The following RPRD1B variants were observed in gnomAD, a reference collection of about 807,000 sequenced individuals.
RPRD1B encodes the protein regulation of nuclear pre-mRNA domain-containing protein 1B.
RPRD1B carries 11 observed loss-of-function variants against 41.5 expected under a neutral mutation model. The observed-to-expected ratio is 0.27, with a 90% confidence interval of 0.17 to 0.44. RPRD1B has a LOEUF of 0.44. Ranked by LOEUF, RPRD1B falls within the 20% of genes least tolerant of loss-of-function variation. The pLI is 1.00. For missense variants in RPRD1B, 248 were observed against 389.9 expected (o/e 0.64, Z 3.06); for synonymous variants, 158 against 155.6 (o/e 1.02, Z -0.12).
At chr20:38,063,553 A>C (rs1426941437) in intron 5 of RPRD1B, among the ~76,000 whole-genome samples, 1 of 152,188 alleles carries the variant, frequency 6.6e-6, no homozygotes, top group African/African-American at 2.4e-5. Context: ...GTTTAGCTGC[A>C]AGGGGGAGCA....
chr20:38,038,161 T>G (rs556706954), intron 1 of RPRD1B, among the ~76,000 whole-genome samples: 11 of 152,378 alleles, frequency 7.2e-5, no homozygotes, highest in African/African-American at 2.6e-4. Context: ...GTTGGCCATC[T>G]AAACTAGGTT....
In RPRD1B at chr20:38,091,473, G is replaced by C. The variant is rs990561040; in HGVS notation, c.*1598G>C. 4.1e-6 allele frequency: 4 copies of C among 985,310 alleles called. No individual in the cohort carries two copies. Among genetic ancestry groups the C allele is most frequent in the Non-Finnish European group, 4.8e-6 (4 of 829,944 alleles). 61.0% of individuals were successfully genotyped at this position (985,310 alleles called of 1,614,324 possible). The stretch of plus-strand genomic sequence containing the variant: ...AGTGTTTGAGCTGTTATTCAGATTT[G>C]AATTCAGACTGTGTGTTGTTTGCTT... On this transcript the variant is annotated 3_prime_UTR_variant, in exon 7 of 7. Coordinates refer to ENST00000373433, the MANE Select transcript of RPRD1B (RefSeq NM_021215.4).
chr20:38,066,341 A>G, intron 6 of RPRD1B, 85 bp downstream of exon 6: 1 of 1,241,112 alleles, frequency 8.1e-7, no homozygotes, highest in South Asian at 1.4e-5. Context: ...GCTTTAATTA[A>G]CAACATTTTT....
intron 3 of RPRD1B, among the ~76,000 whole-genome samples, chr20:38,051,350 T>G (rs563399751): frequency 6.4e-4 from 98 of 152,360 alleles, no homozygotes; most frequent in African/African-American, 2.3e-3. Flanking sequence ...ATGTGACTCA[T>G]GTAGTATACG....
chr20:38,063,130 T>A (rs1464320868), intron 5 of RPRD1B, among the ~76,000 whole-genome samples: 1 of 152,164 alleles, frequency 6.6e-6, no homozygotes, highest in Non-Finnish European at 1.5e-5. Flanking sequence ...TGCTGTCCCC[T>A]CTGCCTGAAA....
Position 38,090,902 on chromosome 20 carries a change from C to G in RPRD1B, c.*1027C>G. 1.0e-6 allele frequency: 1 copy of G among 984,794 alleles called. No homozygotes were observed. Among genetic ancestry groups the G allele is most frequent in the Non-Finnish European group, 1.2e-6 (1 of 829,772 alleles). 61.0% of individuals were successfully genotyped at this position (984,794 alleles called of 1,614,324 possible). A position where few individuals can be genotyped will look rare whatever the true frequency, so the allele number is the denominator to read the frequency against. Reference sequence around the variant, plus strand: ...CTGAGCAGGTCCGTCTGTCATGTCACGCCACTGCACAGGTCCTTGTCCCCA... The same window carrying G: ...CTGAGCAGGTCCGTCTGTCATGTCAGGCCACTGCACAGGTCCTTGTCCCCA... On this transcript the variant is annotated 3_prime_UTR_variant, in exon 7 of 7. Coordinates refer to ENST00000373433, the MANE Select transcript of RPRD1B (RefSeq NM_021215.4).
intron 3 of RPRD1B, among the ~76,000 whole-genome samples, chr20:38,053,630 T>G (rs2074211100): frequency 6.6e-6 from 1 of 152,202 alleles, no homozygotes; most frequent in Admixed American, 6.5e-5. Flanking sequence ...TAGAAGCCCC[T>G]TAAGGTTTAT....
At chr20:38,089,258 A>G (rs1018065362) in intron 6 of RPRD1B, among the ~76,000 whole-genome samples, 2 of 152,156 alleles carry the variant, frequency 1.3e-5, no homozygotes, top group African/African-American at 4.8e-5. Flanking sequence ...TTGAGCTTCT[A>G]TAGTGCTTGT....
intron 6 of RPRD1B, among the ~76,000 whole-genome samples, 159 bp downstream of exon 6, chr20:38,066,415 A>C (rs1242856394): frequency 6.6e-6 from 1 of 152,224 alleles, no homozygotes. Context: ...ATTTGAGCCC[A>C]GTTAAAAATT....
chr20:38,048,286 C>T, intron 2 of RPRD1B, 62 bp from the exon 3 acceptor site: 2 of 1,472,494 alleles, frequency 1.4e-6, no homozygotes, highest in Non-Finnish European at 1.8e-6. Context: ...TTAAGTAGGT[C>T]TGTCCTAATT....
rs2074608008 is a variant in RPRD1B at position 38,091,057 on chromosome 20, G to T, written c.*1182G>T. 3.0e-6 allele frequency: 3 copies of T among 985,624 alleles called. No individual in the cohort carries two copies. In the African/African-American group the frequency reaches 5.2e-5, roughly 17 times the overall value. 61.1% of individuals were successfully genotyped at this position (985,624 alleles called of 1,614,324 possible). A position where few individuals can be genotyped will look rare whatever the true frequency, so the allele number is the denominator to read the frequency against. On this transcript the variant is annotated 3_prime_UTR_variant, in exon 7 of 7. Transcript: ENST00000373433. ...TCAGCTGACATTATGACTATATAAT[G>T]TAGTTAGAGACAATTTTTATCTTGC...
chr20:38,040,868 T>C (rs2074059154), intron 2 of RPRD1B, among the ~76,000 whole-genome samples: 1 of 152,236 alleles, frequency 6.6e-6, no homozygotes, highest in Admixed American at 6.5e-5. Flanking sequence ...TCTCATCAGC[T>C]TATGATCAAA....
rs1339612275 is a variant in RPRD1B, at chr20:38,091,156, C to T, written c.*1281C>T. On this transcript the variant is annotated 3_prime_UTR_variant, in exon 7 of 7. Transcript: ENST00000373433. The stretch of plus-strand genomic sequence containing the variant: ...GGCTTATTTTTGACATTGGAAAGGG[C>T]AGAAAGCGATTTGCCCCAGTAGTGT... The T allele has an allele frequency of 1.3e-5, 13 of 985,624 alleles. No individual in the cohort carries two copies. The highest frequency in any genetic ancestry group is 1.6e-5 in the Non-Finnish European group (13 of 829,930). The allele number at this position is 985,624 out of a possible 1,614,324, so 61.1% of individuals were successfully genotyped here.
At chr20:38,048,229 G>T in intron 2 of RPRD1B, 119 bp from the exon 3 acceptor site, 1 of 1,081,318 alleles carries the variant, frequency 9.2e-7, no homozygotes, top group Non-Finnish European at 1.3e-6. Context: ...ACCTTATTTG[G>T]TTTTAAATGT....
At chr20:38,049,814 G>A (rs764977646) in intron 3 of RPRD1B, 1 of 471,154 alleles carries the variant, frequency 2.1e-6, no homozygotes, top group Non-Finnish European at 4.4e-6. Flanking sequence ...TCGAGTCCAA[G>A]TACTGATAGT....
At chr20:38,079,456 C>G (rs115712348) in intron 6 of RPRD1B, among the ~76,000 whole-genome samples, 1 of 152,096 alleles carries the variant, frequency 6.6e-6, no homozygotes, top group Non-Finnish European at 1.5e-5. Flanking sequence ...TTTTTCCCTT[C>G]TTTGAGTTCA....
chr20:38,064,075 A>G (rs371574533), intron 5 of RPRD1B, among the ~76,000 whole-genome samples: 1 of 152,190 alleles, frequency 6.6e-6, no homozygotes, highest in East Asian at 1.9e-4. Flanking sequence ...TAACAAAACT[A>G]AAACCAACCT....
chr20:38,059,269 G>GTT, intron 4 of RPRD1B, 125 bp from the exon 5 acceptor site: 1 of 1,033,590 alleles, frequency 9.7e-7, no homozygotes, highest in Non-Finnish European at 1.4e-6. Context: ...GCTAAGAACA[G>GTT]TTTTTTTTAA....
rs114653827 is a variant in RPRD1B, at chr20:38,061,266, G to A, written c.655+1746G>A. ...CTTGCCAAACTGAAACTCTATACCCGTTAAACAATAACTCATCATTTTTCA... is the reference window on the plus strand; with the variant it reads ...CTTGCCAAACTGAAACTCTATACCCATTAAACAATAACTCATCATTTTTCA... On this transcript the variant is annotated intron_variant, in intron 5 of 6. Transcript: ENST00000373433. Among the ~76,000 whole-genome samples, 11 of 152,204 alleles carry A rather than the reference G, an allele frequency of 7.2e-5. No individual in the cohort carries two copies. In the East Asian group the frequency reaches 1.5e-3, roughly 21 times the overall value.
Sources: gnomAD v4.1 joint callset for allele counts (sites outside exome capture counted in the v4.1 genomes callset) on GRCh38, gnomAD v4.1.1 for gene constraint, MANE v1.5 for transcripts, NCBI Gene and HGNC (gene_info 2026-07-23, HGNC 2026-07-21) for gene names.